SPEF2: variants seen among roughly 807,000 people sequenced by gnomAD.
SPEF2 encodes sperm flagellar and cilia associated 2, also known as sperm flagella and cilia-associated protein 2.
SPEF2 carries 187 observed loss-of-function variants against 224.6 expected under a neutral mutation model. The observed-to-expected ratio is 0.83, with a 90% CI of 0.74 to 0.94. The LOEUF (loss-of-function observed/expected upper bound fraction) is 0.94. Ranked by LOEUF, SPEF2 falls within the 40% of genes least tolerant of loss-of-function variation. The pLI, the probability that SPEF2 is intolerant of heterozygous loss-of-function variation, is 0.00. For synonymous variants in SPEF2, 715 were observed against 707.3 expected (o/e 1.01, Z -0.17); for missense variants, 2,170 against 2,135.6 (o/e 1.02, Z -0.32).
At chr5:35,771,901 T>G in intron 27 of SPEF2, 145 bp downstream of exon 27, 1 of 1,064,536 alleles carries the variant, frequency 9.4e-7, no homozygotes, top group South Asian at 2.5e-5. Context: ...GCTTCTATGA[T>G]TTGTGGTGTT....
intron 10 of SPEF2, among the ~76,000 whole-genome samples, chr5:35,681,116 A>G (rs1372272822): frequency 2.6e-5 from 4 of 152,192 alleles, no homozygotes; most frequent in Non-Finnish European, 5.9e-5. Flanking sequence ...TTTAACTATT[A>G]ATTTATTTTC....
intron 21 of SPEF2, among the ~76,000 whole-genome samples, chr5:35,732,862 C>T (rs1235243407): frequency 6.6e-6 from 1 of 152,090 alleles, no homozygotes; most frequent in African/African-American, 2.4e-5. Flanking sequence ...AAGAAAGAGC[C>T]TACAATCACA....
At chr5:35,773,681 TA>T (rs1753197101) in intron 27 of SPEF2, among the ~76,000 whole-genome samples, 1 of 152,168 alleles carries the variant, frequency 6.6e-6, no homozygotes, top group South Asian at 2.1e-4. Context: ...GGGGCGTTTT[TA>T]TATGAGTCCA....
intron 20 of SPEF2, among the ~76,000 whole-genome samples, chr5:35,721,565 G>A (rs1452356606): frequency 2.0e-5 from 3 of 152,092 alleles, no homozygotes; most frequent in South Asian, 4.1e-4. Flanking sequence ...CATCTGACCT[G>A]GATTTTACCA....
chr5:35,677,189 G>T (rs972376575), intron 10 of SPEF2, among the ~76,000 whole-genome samples: 1 of 152,178 alleles, frequency 6.6e-6, no homozygotes, highest in Non-Finnish European at 1.5e-5. Flanking sequence ...CCAACCAAAA[G>T]TGTCTTTCTT....
chr5:35,618,137 A>G, intron 1 of SPEF2, 82 bp downstream of exon 1: 1 of 1,479,424 alleles, frequency 6.8e-7, no homozygotes, highest in South Asian at 1.2e-5. Context: ...CACTCAGGGA[A>G]GGTGGCGGGC....
In SPEF2 at chr5:35,644,933, C is replaced by T. The variant is rs115883944; in HGVS notation, c.585+408C>T. On this transcript the variant is annotated intron_variant, in intron 4 of 36. Coordinates refer to ENST00000356031, the MANE Select transcript of SPEF2 (RefSeq NM_024867.4). ...TCGCTTTCTCCTCTTTTGCAACCTT[C>T]GGTCCTGCCCCATTTCTCTGTTCTT... is the stretch of plus-strand genomic sequence containing the variant. 3.4e-3 allele frequency among the ~76,000 whole-genome samples: 521 copies of T among 152,306 alleles called. 4 individuals are homozygous for T. The highest frequency in any genetic ancestry group is 0.012 in the African/African-American group (501 of 41,572).
rs780931806 is a variant in SPEF2 at position 35,800,080 on chromosome 5, C to A, written c.4943C>A (p.Ala1648Asp). The A allele has an allele frequency of 6.2e-7, 1 of 1,614,098 alleles. No homozygotes were observed. Among genetic ancestry groups the A allele is most frequent in the African/African-American group, 1.3e-5 (1 of 75,016 alleles). Residue 1648 changes from alanine to aspartate, a missense_variant, in exon 34 of 37, where the codon GCC becomes GAC. Coordinates refer to ENST00000356031, the MANE Select transcript of SPEF2 (RefSeq NM_024867.4). ...GACACCGTGGAAGGAGTCTACAGGGCCCTCAGTGTGGCTGTTGGAACTCAT... is the reference window on the plus strand; with the variant it reads ...GACACCGTGGAAGGAGTCTACAGGGACCTCAGTGTGGCTGTTGGAACTCAT... ...HPDTVEGVYR[A>D]LSVAVGTHVF... is the part of the protein sequence containing the mutation.
intron 18 of SPEF2, among the ~76,000 whole-genome samples, chr5:35,708,656 C>T (rs1341949606): frequency 1.6e-4 from 1 of 6,450 alleles, no homozygotes; most frequent in Non-Finnish European, 4.1e-4. Flanking sequence ...ACCTCCACCA[C>T]CACTACCACC....
intron 1 of SPEF2, among the ~76,000 whole-genome samples, chr5:35,619,354 CTTAGT>C (rs2112099140): frequency 6.6e-6 from 1 of 152,202 alleles, no homozygotes; most frequent in East Asian, 1.9e-4. Context: ...TTACATATTG[CTTAGT>C]TTAATTTAGT....
At chr5:35,775,311 G>A (rs780998291) in intron 28 of SPEF2, among the ~76,000 whole-genome samples, 14 of 152,070 alleles carry the variant, frequency 9.2e-5, no homozygotes, top group Non-Finnish European at 2.1e-4. Context: ...GGACATGAGG[G>A]GAGTTCCTGA....
At chr5:35,671,302 A>C in intron 10 of SPEF2, 1 of 967,470 alleles carries the variant, frequency 1.0e-6, no homozygotes, top group African/African-American at 1.8e-5. Flanking sequence ...TTGTGGTTAA[A>C]AGATAAGGAA....
rs1758261250 is a variant in SPEF2 at position 35,807,795 on chromosome 5, C to G, written c.5379+542C>G. 7 of 1,535,308 alleles carry G rather than the reference C, an allele frequency of 4.6e-6. 1 individual carries two copies. Among genetic ancestry groups the G allele is most frequent in the Middle Eastern group, 3.3e-4 (2 of 5,986 alleles). ...AAAGGAAGAACTGCAACTCAGAAAT[C>G]ACATAACCACCAAGCAGGTCTGGAC... On this transcript the variant is annotated intron_variant, in intron 36 of 36. Coordinates refer to ENST00000356031, the MANE Select transcript of SPEF2 (RefSeq NM_024867.4).
intron 3 of SPEF2, 76 bp from the exon 4 acceptor site, chr5:35,644,279 A>G (rs896874144): frequency 7.9e-7 from 1 of 1,265,662 alleles, no homozygotes; most frequent in Admixed American, 3.3e-5. Flanking sequence ...TTTGAAGACA[A>G]ATTTTATTTG....
chr5:35,700,021 A>C, intron 15 of SPEF2: 1 of 157,796 alleles, frequency 6.3e-6, no homozygotes, highest in Admixed American at 6.1e-5. Flanking sequence ...GTGATAGTGA[A>C]TGGTCTCACA....
intron 21 of SPEF2, among the ~76,000 whole-genome samples, chr5:35,737,280 T>C (rs1189647000): frequency 6.6e-6 from 1 of 152,110 alleles, no homozygotes. Context: ...TTGTTACATA[T>C]GTATACATGT....
At chr5:35,699,666 A>G (rs1738182287) in intron 15 of SPEF2, 1 of 152,196 alleles carries the variant, frequency 6.6e-6, no homozygotes, top group African/African-American at 2.4e-5. Context: ...CGTTTTTAAA[A>G]TGCATCATTT....
chr5:35,779,391 G>T lies in SPEF2; in HGVS notation c.4447+45G>T, dbSNP rs536174209. On this transcript the variant is annotated intron_variant, in intron 30 of 36. Transcript: ENST00000356031. ...TGAAAAGAGCACAAAAAAAGGTTAA[G>T]ATTAACCAGGACAGAAATCACTTGC... 78 of 1,450,692 alleles carry T rather than the reference G, an allele frequency of 5.4e-5. No homozygotes were observed. The South Asian group carries it at 9.6e-4, about 18-fold the overall frequency. The allele number at this position is 1,450,692 out of a possible 1,614,324, so 89.9% of individuals were successfully genotyped here. A position where few individuals can be genotyped will look rare whatever the true frequency, so the allele number is the denominator to read the frequency against.
At chr5:35,679,523 G>A (rs1477967189) in intron 10 of SPEF2, among the ~76,000 whole-genome samples, 2 of 152,206 alleles carry the variant, frequency 1.3e-5, no homozygotes, top group Admixed American at 6.5e-5. Context: ...CACAAACAGA[G>A]CTAGAACATC....
Sources: allele counts gnomAD v4.1 joint callset (sites outside exome capture counted in the v4.1 genomes callset), GRCh38; gene constraint gnomAD v4.1.1; transcripts MANE v1.5; gene names NCBI Gene and HGNC (gene_info 2026-07-23, HGNC 2026-07-21).